DSCC1: variants seen among roughly 807,000 people sequenced by gnomAD.
DSCC1 encodes the protein DNA replication and sister chromatid cohesion 1.
In DSCC1, 32 loss-of-function variants were observed where a neutral mutation model predicts 48.2. That is an observed-to-expected ratio of 0.66 (90% CI 0.50 to 0.89). DSCC1 has a LOEUF of 0.89. Ranked by LOEUF, DSCC1 falls within the 40% of genes least tolerant of loss-of-function variation. DSCC1 has a pLI of 0.00. For synonymous variants in DSCC1, 150 were observed against 171.5 expected (o/e 0.87, Z 0.98); for missense variants, 421 against 471.7 (o/e 0.89, Z 1.00).
At chr8:119,835,530 C>CA (rs1826668226) in intron 8 of DSCC1, among the ~76,000 whole-genome samples, 1 of 151,378 alleles carries the variant, frequency 6.6e-6, no homozygotes, top group Admixed American at 6.6e-5. Flanking sequence ...AAAAAAAAAG[C>CA]AAAAAACAAA....
In DSCC1 at chr8:119,838,274, A is replaced by G; in HGVS notation, c.1058T>C (p.Ile353Thr). The G allele has an allele frequency of 6.3e-7, 1 of 1,592,666 alleles. No individual in the cohort carries two copies. The highest frequency in any genetic ancestry group is 8.5e-7 in the Non-Finnish European group (1 of 1,172,704). Reference sequence around the variant, plus strand: ...AATTACTTACTGAATATATGGAGCAATATCTTCTTCTGTCCACTTCTCCCT... The same window carrying G: ...AATTACTTACTGAATATATGGAGCAGTATCTTCTTCTGTCCACTTCTCCCT... ...SLREKWTEED[I>T]APYIQDLCGE... is the part of the protein sequence containing the mutation. The change falls in exon 8 of 9, where the codon ATT becomes ACT. Residue 353 changes from isoleucine (I) to threonine (T), a missense_variant. Ile to Thr is a moderately conservative substitution (Grantham distance 89). Around this residue, in one of 3 missense-constraint regions of DSCC1, gnomAD observed 238 missense variants for 259.0 expected, o/e 0.92. Coordinates refer to ENST00000313655, the MANE Select transcript of DSCC1 (RefSeq NM_024094.3).
At chr8:119,849,046 G>A (rs1415247331) in intron 3 of DSCC1, among the ~76,000 whole-genome samples, 6 of 152,112 alleles carry the variant, frequency 3.9e-5, no homozygotes, top group Admixed American at 1.3e-4. Context: ...TTAGCTGGGC[G>A]CGGTGGCGGG....
intron 8 of DSCC1, among the ~76,000 whole-genome samples, chr8:119,837,366 C>T (rs1198553417): frequency 6.6e-6 from 1 of 152,128 alleles, no homozygotes; most frequent in African/African-American, 2.4e-5. Context: ...TAGGTGTACA[C>T]ATGAGGAGGT....
chr8:119,851,129 G>T (rs1826938117), intron 2 of DSCC1, among the ~76,000 whole-genome samples: 1 of 152,198 alleles, frequency 6.6e-6, no homozygotes, highest in Non-Finnish European at 1.5e-5. Context: ...TGTTATCCTT[G>T]CCTGCACTTA....
intron 4 of DSCC1, among the ~76,000 whole-genome samples, chr8:119,845,830 C>A (rs951773535): frequency 6.6e-6 from 1 of 151,978 alleles, no homozygotes; most frequent in South Asian, 2.1e-4. Flanking sequence ...ATGACTGTAA[C>A]CCCAGCTACT....
At chr8:119,842,754 G>T in intron 6 of DSCC1, 22 bp downstream of exon 6, 1 of 1,597,354 alleles carries the variant, frequency 6.3e-7, no homozygotes, top group Non-Finnish European at 8.6e-7. Context: ...AGAGTTAAAT[G>T]AGAATACTTT....
intron 1 of DSCC1, among the ~76,000 whole-genome samples, chr8:119,855,394 C>A (rs1014074253): frequency 6.6e-6 from 1 of 152,234 alleles, no homozygotes; most frequent in African/African-American, 2.4e-5. Flanking sequence ...CCCGCTGACA[C>A]ATGCCTCCAA....
intron 4 of DSCC1, among the ~76,000 whole-genome samples, chr8:119,846,427 C>CT (rs919436098): frequency 1.1e-3 from 162 of 152,178 alleles, no homozygotes; most frequent in African/African-American, 3.8e-3. Context: ...CTTTCTTAAT[C>CT]TAACATGGTT....
chr8:119,839,883 A>G (rs903601799), intron 7 of DSCC1: 9 of 152,236 alleles, frequency 5.9e-5, no homozygotes, highest in African/African-American at 1.7e-4. Flanking sequence ...TAAAACGTCT[A>G]TTCCGTCAGA....
chr8:119,844,878 A>G (rs907654577), intron 4 of DSCC1, among the ~76,000 whole-genome samples: 1 of 152,156 alleles, frequency 6.6e-6, no homozygotes, highest in Non-Finnish European at 1.5e-5. Context: ...CTGCACTACC[A>G]TAGTTATAAC....
intron 8 of DSCC1, among the ~76,000 whole-genome samples, chr8:119,837,673 A>G (rs534274370): frequency 2.0e-5 from 3 of 152,292 alleles, no homozygotes; most frequent in African/African-American, 7.2e-5. Context: ...TAATCTTTTT[A>G]GCTTTTTGCC....
chr8:119,843,422 A>G (rs1336220447), intron 5 of DSCC1, among the ~76,000 whole-genome samples, 187 bp downstream of exon 5: 1 of 152,144 alleles, frequency 6.6e-6, no homozygotes, highest in African/African-American at 2.4e-5. Flanking sequence ...AAAACAAACA[A>G]GATAATGCAC....
chr8:119,846,589 C>G (rs6995594), intron 4 of DSCC1, among the ~76,000 whole-genome samples: 1 of 152,124 alleles, frequency 6.6e-6, no homozygotes, highest in African/African-American at 2.4e-5. Flanking sequence ...ACAAGAGTTT[C>G]GCTCTGATGC....
intron 4 of DSCC1, among the ~76,000 whole-genome samples, chr8:119,844,999 T>C (rs1449384652): frequency 6.6e-6 from 1 of 152,206 alleles, no homozygotes; most frequent in African/African-American, 2.4e-5. Context: ...AGTTAAGGGC[T>C]GGGCTTCATA....
rs1197015096 is a variant in DSCC1 at position 119,834,542 on chromosome 8, T to G, written c.*351A>C. The G allele has an allele frequency of 4.9e-6, 1 of 202,284 alleles. No homozygotes were observed. The highest frequency in any genetic ancestry group is 9.8e-6 in the Non-Finnish European group (1 of 101,548). 12.5% of individuals were successfully genotyped at this position (202,284 alleles called of 1,614,324 possible). ...TTCTATGAAACTATTACTATTTAGT[T>G]CTCTGGAAAACTTAAGTGTATTAAT... On this transcript the variant is annotated 3_prime_UTR_variant, in exon 9 of 9. Coordinates refer to ENST00000313655, the MANE Select transcript of DSCC1 (RefSeq NM_024094.3).
chr8:119,847,069 T>C lies in DSCC1; in HGVS notation c.498A>G (p.Glu166=). The C allele has an allele frequency of 6.2e-7, 1 of 1,613,018 alleles. No homozygotes were observed. Among genetic ancestry groups the C allele is most frequent in the East Asian group, 2.2e-5 (1 of 44,862 alleles). Reference sequence around the variant, plus strand: ...TTGCCTGAATTTGATCAAGCAAATCTTCAGTTGTATACTGCAAAAAGAAAA... The same window carrying C: ...TTGCCTGAATTTGATCAAGCAAATCCTCAGTTGTATACTGCAAAAAGAAAA... ...KDSNSSKYTT[E]DLLDQIQASE... is the part of the protein sequence containing the mutation. Residue 166 remains glutamate (E), a synonymous_variant, in exon 4 of 9, where the codon GAA becomes GAG. Coordinates refer to ENST00000313655, the MANE Select transcript of DSCC1 (RefSeq NM_024094.3).
At chr8:119,845,472 T>C (rs1185413637) in intron 4 of DSCC1, among the ~76,000 whole-genome samples, 1 of 152,168 alleles carries the variant, frequency 6.6e-6, no homozygotes, top group East Asian at 1.9e-4. Flanking sequence ...AGAATGTTTC[T>C]ATTCTTACTC....
At chr8:119,843,780 ACTT>A in intron 4 of DSCC1, 33 bp from the exon 5 acceptor site, 2 of 1,589,244 alleles carry the variant, frequency 1.3e-6, no homozygotes, top group Non-Finnish European at 8.5e-7. Context: ...TTACCAAAGA[ACTT>A]TTTTTTTTTT....
chr8:119,855,517 T>G, intron 1 of DSCC1, 97 bp downstream of exon 1: 1 of 1,444,066 alleles, frequency 6.9e-7, no homozygotes, highest in Non-Finnish European at 9.1e-7. Flanking sequence ...GCCAGGTCAG[T>G]GCATCTCTCT....
Sources: gnomAD v4.1 joint callset for allele counts (sites outside exome capture counted in the v4.1 genomes callset) on GRCh38, gnomAD v4.1.1 for gene constraint, gnomAD v4.1.1 regional missense constraint, MANE v1.5 for transcripts, NCBI Gene and HGNC (gene_info 2026-07-23, HGNC 2026-07-21) for gene names.